The following RMND5A variants were observed in gnomAD, a reference collection of about 807,000 sequenced individuals.
RMND5A encodes the protein required for meiotic nuclear division 5 homolog A, also known as E3 ubiquitin-protein transferase RMND5A.
A neutral mutation model predicts 49.7 loss-of-function variants in RMND5A; 17 were observed. The ratio of observed to expected loss-of-function variants is 0.34; its 90% CI spans 0.23 to 0.51. RMND5A has a LOEUF of 0.51. Among genes scored for constraint, RMND5A ranks in the 20% least tolerant of loss-of-function variants. The pLI, the probability that RMND5A is intolerant of heterozygous loss-of-function variation, is 0.96. For missense variants in RMND5A, 255 were observed against 471.3 expected, an observed-to-expected ratio of 0.54 and a Z score of 4.25; for synonymous variants, 156 against 167.7, an observed-to-expected ratio of 0.93 and a Z score of 0.54.
intron 2 of RMND5A, among the ~76,000 whole-genome samples, chr2:86,744,324 G>A (rs572379839): frequency 1.3e-5 from 2 of 152,194 alleles, no homozygotes; most frequent in Non-Finnish European, 2.9e-5. Flanking sequence ...GCAGCCTGTT[G>A]TAAAGGCTGG....
intron 2 of RMND5A, among the ~76,000 whole-genome samples, chr2:86,741,862 C>CT (rs1483815966): frequency 7.0e-6 from 1 of 142,386 alleles, no homozygotes; most frequent in Non-Finnish European, 1.5e-5. Context: ...GAGGAGTGCC[C>CT]TTTGTAGCAA....
At chr2:86,746,823 T>C (rs1238346457) in intron 2 of RMND5A, among the ~76,000 whole-genome samples, 3 of 152,234 alleles carry the variant, frequency 2.0e-5, no homozygotes, top group African/African-American at 7.2e-5. Context: ...GGCACGTTAC[T>C]CCCTCATTTT....
intron 1 of RMND5A, among the ~76,000 whole-genome samples, chr2:86,736,414 G>A (rs1425689526): frequency 1.9e-5 from 2 of 108,024 alleles, no homozygotes; most frequent in African/African-American, 6.2e-5. Flanking sequence ...AAACTCCTGG[G>A]CTCAAGCAAT....
At chr2:86,755,894 T>C (rs1681728561) in intron 4 of RMND5A, among the ~76,000 whole-genome samples, 1 of 152,132 alleles carries the variant, frequency 6.6e-6, no homozygotes, top group Admixed American at 6.5e-5. Context: ...GCTTGAGTGG[T>C]TATTGTATGC....
chr2:86,756,776 C>T (rs765287916), intron 4 of RMND5A, among the ~76,000 whole-genome samples: 15 of 152,160 alleles, frequency 9.9e-5, no homozygotes, highest in Non-Finnish European at 1.6e-4. Context: ...TTTGTTCCTG[C>T]TGGGAAGGAT....
intron 7 of RMND5A, 72 bp downstream of exon 7, chr2:86,770,197 C>A: frequency 9.3e-7 from 1 of 1,072,226 alleles, no homozygotes; most frequent in Non-Finnish European, 1.5e-6. Flanking sequence ...AAATGTTCAT[C>A]TTACCTTTTA....
intron 4 of RMND5A, among the ~76,000 whole-genome samples, chr2:86,763,070 C>T (rs2104406352): frequency 6.6e-6 from 1 of 152,180 alleles, no homozygotes; most frequent in South Asian, 2.1e-4. Context: ...AATAGAAAAT[C>T]ACACTTTCCT....
Position 86,765,087 on chromosome 2 carries a change from A to G in RMND5A, c.582A>G (p.Leu194=). 1.2e-6 allele frequency: 2 copies of G among 1,614,164 alleles called. No homozygotes were observed. The highest frequency in any genetic ancestry group is 3.3e-5 in the Admixed American group (2 of 60,016). ...IAQNSSLEFK[L]HRLYFISLLM... is the part of the protein sequence containing the mutation. ...AAAACAGCTCCTTGGAATTTAAGCT[A>G]CACAGACTGTATTTTATTAGCTTGT... Residue 194 remains leucine, a synonymous_variant, in exon 5 of 9, where the codon CTA becomes CTG. Transcript: ENST00000283632.
Position 86,746,510 on chromosome 2 carries a change from T to C in RMND5A, c.286-5386T>C, listed in dbSNP as rs183581775. Among the ~76,000 whole-genome samples, 125 of 152,354 alleles carry C rather than the reference T, an allele frequency of 8.2e-4. 1 individual carries two copies. Among genetic ancestry groups the C allele is most frequent in the African/African-American group, 2.9e-3 (119 of 41,592 alleles). On this transcript the variant is annotated intron_variant, in intron 2 of 8. Transcript: ENST00000283632. ...CAAAGACTTGTAAGGTCGAGATTAT[T>C]GTCTCTAGATACAGATGTGAAAACT...
chr2:86,762,761 C>T (rs966303391), intron 4 of RMND5A, among the ~76,000 whole-genome samples: 2 of 147,490 alleles, frequency 1.4e-5, no homozygotes, highest in Non-Finnish European at 3.0e-5. Context: ...CACTTTCAAG[C>T]TGAGCACAAT....
chr2:86,729,306 G>T (rs1328245936), intron 1 of RMND5A, among the ~76,000 whole-genome samples: 1 of 152,008 alleles, frequency 6.6e-6, no homozygotes, highest in Non-Finnish European at 1.5e-5. Context: ...AGTGAAGAGA[G>T]AGAGCCCTTA....
In RMND5A at chr2:86,726,866, A is replaced by G. The variant is rs1272880716; in HGVS notation, c.142+6057A>G. Reference sequence around the variant, plus strand: ...GGACTGATCTTGTTCTCTTCTGTCAACTGTTGGCTTTATTTTCAGGGTAGT... The same window carrying G: ...GGACTGATCTTGTTCTCTTCTGTCAGCTGTTGGCTTTATTTTCAGGGTAGT... On this transcript the variant is annotated intron_variant, in intron 1 of 8. Transcript: ENST00000283632. Among the ~76,000 whole-genome samples, 49 of 75,988 alleles carry G rather than the reference A, an allele frequency of 6.4e-4. 17 individuals carry two copies. Among genetic ancestry groups the G allele is most frequent in the African/African-American group, 2.5e-3 (47 of 19,084 alleles). The allele number at this position is 75,988 out of a possible 152,430, so 49.9% of individuals were successfully genotyped here.
chr2:86,747,162 T>C (rs1365043819), intron 2 of RMND5A, among the ~76,000 whole-genome samples: 1 of 152,210 alleles, frequency 6.6e-6, no homozygotes, highest in Non-Finnish European at 1.5e-5. Context: ...TGCTTCCTCA[T>C]TTCTCACCTA....
chr2:86,769,934 C>G, intron 6 of RMND5A, 89 bp from the exon 7 acceptor site: 1 of 866,124 alleles, frequency 1.2e-6, no homozygotes, highest in Non-Finnish European at 1.9e-6. Flanking sequence ...GGGTCTGCAG[C>G]ACATAGAGTC....
intron 8 of RMND5A, among the ~76,000 whole-genome samples, chr2:86,773,025 A>G (rs1445905841): frequency 6.6e-6 from 1 of 152,202 alleles, no homozygotes; most frequent in Non-Finnish European, 1.5e-5. Flanking sequence ...TCATTTAAAG[A>G]CTGTTGCAAC....
rs552178005 is a variant in RMND5A, at chr2:86,774,899, A to T, written c.*1488A>T. ...AACTGGCAGCGTTTTACAGTAGTAC[A>T]CCAGCCTGGATGTTTTTTCTAAAAT... is the stretch of plus-strand genomic sequence containing the variant. On this transcript the variant is annotated 3_prime_UTR_variant, in exon 9 of 9. Transcript: ENST00000283632. 6.6e-6 allele frequency: 1 copy of T among 152,664 alleles called. No homozygotes were observed. 9.5% of individuals were successfully genotyped at this position (152,664 alleles called of 1,614,324 possible). A position where few individuals can be genotyped will look rare whatever the true frequency, so the allele number is the denominator to read the frequency against.
In RMND5A at chr2:86,773,399, G is replaced by A; in HGVS notation, c.1164G>A (p.Gln388=). The change falls in exon 9 of 9, where the codon CAG becomes CAA. Residue 388 remains glutamine, a synonymous_variant. Coordinates refer to ENST00000283632, the MANE Select transcript of RMND5A (RefSeq NM_022780.4). ...PMEQSPGDAK[Q]IFF ...AACAAAGTCCAGGAGATGCCAAACAGATATTTTTCTGAAGAGATAACTTTA... is the reference window on the plus strand; with the variant it reads ...AACAAAGTCCAGGAGATGCCAAACAAATATTTTTCTGAAGAGATAACTTTA... 6.2e-7 allele frequency: 1 copy of A among 1,603,710 alleles called. No individual in the cohort carries two copies. Among genetic ancestry groups the A allele is most frequent in the Non-Finnish European group, 8.5e-7 (1 of 1,170,722 alleles).
intron 2 of RMND5A, among the ~76,000 whole-genome samples, chr2:86,745,449 A>G (rs187991752): frequency 2.1e-4 from 32 of 152,340 alleles, no homozygotes; most frequent in Non-Finnish European, 2.9e-5. Context: ...GAACAGTGAG[A>G]TGAGATTTTT....
In RMND5A at chr2:86,775,324, C is replaced by CTTTTTTTT. The variant is rs1166534598; in HGVS notation, c.*1916_*1917insTTTTTTTT. ...AACCTAGAGTGTTGTATTTTTCTTT[C>CTTTTTTTT]TTTCTTTTTTTTTTTTTTTTTTTTT... On this transcript the variant is annotated 3_prime_UTR_variant, in exon 9 of 9. Transcript: ENST00000283632. 1 of 78,434 alleles carries CTTTTTTTT rather than the reference C, an allele frequency of 1.3e-5. No homozygotes were observed. Among genetic ancestry groups the CTTTTTTTT allele is most frequent in the Non-Finnish European group, 2.6e-5 (1 of 38,360 alleles). The allele number at this position is 78,434 out of a possible 1,614,324, so 4.9% of individuals were successfully genotyped here. A position where few individuals can be genotyped will look rare whatever the true frequency, so the allele number is the denominator to read the frequency against.
Sources: gnomAD v4.1 joint callset for allele counts (sites outside exome capture counted in the v4.1 genomes callset) on GRCh38, gnomAD v4.1.1 for gene constraint, MANE v1.5 for transcripts, NCBI Gene and HGNC (gene_info 2026-07-23, HGNC 2026-07-21) for gene names.